Variants in ERBB4 observed in about 807,000 individuals in gnomAD.
The protein encoded by ERBB4 is erb-b2 receptor tyrosine kinase 4.
ERBB4 carries 42 observed loss-of-function variants against 158.0 expected under a neutral mutation model. The ratio of observed to expected loss-of-function variants is 0.27; its 90% CI spans 0.21 to 0.34. The LOEUF is 0.34. Among genes scored for constraint, ERBB4 ranks in the 10% least tolerant of loss-of-function variants. The probability of loss-of-function intolerance (pLI) is 1.00; values close to 1 mark genes in which losing one functional copy is unlikely to be tolerated. For missense variants in ERBB4, 1,333 were observed against 1,624.1 expected, an observed-to-expected ratio of 0.82 and a Z score of 3.08; for synonymous variants, 583 against 558.7, an observed-to-expected ratio of 1.04 and a Z score of -0.61.
At chr2:211,759,298 G>A (rs1034704001) in intron 4 of ERBB4, among the ~76,000 whole-genome samples, 2 of 151,928 alleles carry the variant, frequency 1.3e-5, no homozygotes, top group African/African-American at 2.4e-5. Context: ...CCTCTTATCC[G>A]GTGTCCTAGC....
intron 1 of ERBB4, among the ~76,000 whole-genome samples, chr2:212,523,968 G>A (rs1197357101): frequency 1.3e-5 from 2 of 151,940 alleles, no homozygotes; most frequent in Non-Finnish European, 2.9e-5. Flanking sequence ...TCAAACAGCT[G>A]TTAATGTTTC....
intron 1 of ERBB4, among the ~76,000 whole-genome samples, chr2:212,390,082 A>G (rs112438888): frequency 0.022 from 3,408 of 151,992 alleles, 60 homozygotes; most frequent in Admixed American, 0.041. Flanking sequence ...GGAAAGAGAA[A>G]TGTGTTACTT....
intron 3 of ERBB4, among the ~76,000 whole-genome samples, chr2:211,808,368 A>G (rs1169479422): frequency 6.6e-6 from 1 of 152,102 alleles, no homozygotes; most frequent in African/African-American, 2.4e-5. Context: ...TCCCAGCACC[A>G]TTTATTAAAT....
chr2:212,464,509 C>T (rs889418888), intron 1 of ERBB4, among the ~76,000 whole-genome samples: 4 of 151,920 alleles, frequency 2.6e-5, no homozygotes, highest in Non-Finnish European at 2.9e-5. Flanking sequence ...CATGGGAGTG[C>T]CAGTTTAGCT....
intron 25 of ERBB4, among the ~76,000 whole-genome samples, chr2:211,404,332 T>G (rs2063105508): frequency 6.6e-6 from 1 of 151,994 alleles, no homozygotes; most frequent in Non-Finnish European, 1.5e-5. Context: ...ATCCCCTCAT[T>G]TGTCTTTGTT....
rs943005291 is a variant in ERBB4 at position 211,633,692 on chromosome 2, C to T, written c.1947-3098G>A. Among the ~76,000 whole-genome samples, 31 of 148,750 alleles carry T rather than the reference C, an allele frequency of 2.1e-4. No homozygotes were observed. The Admixed American group carries it at 2.1e-3, about 10-fold the overall frequency. ...TATAATTTTGACATTCACTTTAAAA[C>T]TCCAAAGGGAAGATGTGATTAGGTA... On this transcript the variant is annotated intron_variant, in intron 16 of 27. Coordinates refer to ENST00000342788, the MANE Select transcript of ERBB4 (RefSeq NM_005235.3).
At chr2:212,511,125 A>C (rs1362928879) in intron 1 of ERBB4, among the ~76,000 whole-genome samples, 1 of 152,200 alleles carries the variant, frequency 6.6e-6, no homozygotes, top group Non-Finnish European at 1.5e-5. Flanking sequence ...TTACCTGCAA[A>C]TACACTGAAA....
intron 3 of ERBB4, among the ~76,000 whole-genome samples, chr2:211,861,157 A>ATAT (rs1445918264): frequency 1.0e-4 from 3 of 29,894 alleles, no homozygotes; most frequent in African/African-American, 3.2e-4. Context: ...TATATATATT[A>ATAT]AAAAAAAGTA....
intron 1 of ERBB4, among the ~76,000 whole-genome samples, chr2:212,178,343 G>T (rs1472774460): frequency 1.3e-5 from 2 of 151,556 alleles, no homozygotes; most frequent in African/African-American, 4.8e-5. Context: ...TCAGACAAGA[G>T]ATGATGTTAG....
intron 18 of ERBB4, among the ~76,000 whole-genome samples, chr2:211,620,224 A>G (rs2069546833): frequency 6.6e-6 from 1 of 152,188 alleles, no homozygotes; most frequent in Non-Finnish European, 1.5e-5. Context: ...ACAAAAACCG[A>G]AAAATCTCAA....
chr2:211,955,664 A>G lies in ERBB4; in HGVS notation c.235-8048T>C, dbSNP rs530640325. Reference sequence around the variant, plus strand: ...TAGCTGAATCTCAGCCAATCATAGCAGCCAGGCCTCAGTCAATCACAGGCT... The same window carrying G: ...TAGCTGAATCTCAGCCAATCATAGCGGCCAGGCCTCAGTCAATCACAGGCT... On this transcript the variant is annotated intron_variant, in intron 2 of 27. Transcript: ENST00000342788. Among the ~76,000 whole-genome samples the G allele has an allele frequency of 1.6e-4, 25 of 152,262 alleles. No individual in the cohort carries two copies. In the East Asian group the frequency reaches 3.1e-3, roughly 19 times the overall value.
At position 211,379,791 on chromosome 2, in the gene ERBB4, T is replaced by C. The variant is rs1477851509; in HGVS notation, c.*3824A>G. The C allele has an allele frequency of 8.6e-6, 2 of 231,992 alleles. No individual in the cohort carries two copies. Among genetic ancestry groups the C allele is most frequent in the African/African-American group, 4.4e-5 (2 of 45,280 alleles). 14.4% of individuals were successfully genotyped at this position (231,992 alleles called of 1,614,324 possible). ...ACAGATGGATGAATAATTCCAGTTT[T>C]GAAATAAAGGTTAGAGAGCTCTAGA... is the stretch of plus-strand genomic sequence containing the variant. On this transcript the variant is annotated 3_prime_UTR_variant, in exon 28 of 28. Transcript: ENST00000342788.
At chr2:212,497,624 G>A (rs980314958) in intron 1 of ERBB4, among the ~76,000 whole-genome samples, 1 of 152,134 alleles carries the variant, frequency 6.6e-6, no homozygotes, top group African/African-American at 2.4e-5. Context: ...GAACATACAA[G>A]TCCTACATTC....
chr2:212,135,921 G>A (rs2080256992), intron 1 of ERBB4, among the ~76,000 whole-genome samples: 1 of 152,172 alleles, frequency 6.6e-6, no homozygotes, highest in Admixed American at 6.5e-5. Context: ...TGTGAATCTG[G>A]ATGCACTTTC....
intron 1 of ERBB4, among the ~76,000 whole-genome samples, chr2:212,132,815 G>A (rs72939829): frequency 0.11 from 16,699 of 152,012 alleles, 1,398 homozygotes; most frequent in African/African-American, 0.24. Context: ...ATGTGTGTGT[G>A]TATATATACT....
chr2:211,807,144 GA>G (rs1397006027), intron 3 of ERBB4, among the ~76,000 whole-genome samples: 1 of 151,794 alleles, frequency 6.6e-6, no homozygotes, highest in East Asian at 1.9e-4. Context: ...GGAGACTGTT[GA>G]TTTTTTTTTT....
rs1369147420 is a variant in ERBB4 at position 212,374,057 on chromosome 2, TCC to T, written c.82+164390_82+164391del. Among the ~76,000 whole-genome samples, 102 of 98,390 alleles carry T rather than the reference TCC, an allele frequency of 1.0e-3. 5 individuals carry two copies. Among genetic ancestry groups the T allele is most frequent in the African/African-American group, 3.0e-3 (95 of 31,298 alleles). The allele number at this position is 98,390 out of a possible 152,430, so 64.5% of individuals were successfully genotyped here. ...ATCCATATATATCCATATATATATA[TCC>T]ATATATATCCATATATATATCCATA... is the stretch of plus-strand genomic sequence containing the variant. On this transcript the variant is annotated intron_variant, in intron 1 of 27. Transcript: ENST00000342788.
rs561887285 is a variant in ERBB4 at position 211,829,340 on chromosome 2, T to A, written c.422-41181A>T. On this transcript the variant is annotated intron_variant, in intron 3 of 27. Coordinates refer to ENST00000342788, the MANE Select transcript of ERBB4 (RefSeq NM_005235.3). Reference sequence around the variant, plus strand: ...TAAATAGTTATCAGTCTGCATGCAATCTTTTAGGACTTACAATTTTTATAT... The same window carrying A: ...TAAATAGTTATCAGTCTGCATGCAAACTTTTAGGACTTACAATTTTTATAT... 1.9e-3 allele frequency among the ~76,000 whole-genome samples: 292 copies of A among 152,278 alleles called. 2 individuals carry two copies. The highest frequency in any genetic ancestry group is 6.7e-3 in the African/African-American group (280 of 41,578).
chr2:211,641,476 A>G (rs895025233), intron 16 of ERBB4, among the ~76,000 whole-genome samples: 1 of 152,162 alleles, frequency 6.6e-6, no homozygotes, highest in Non-Finnish European at 1.5e-5. Flanking sequence ...TGGGTAACAC[A>G]TGCTAGAGCC....
Sources: gnomAD v4.1 joint callset for allele counts (sites outside exome capture counted in the v4.1 genomes callset) on GRCh38, gnomAD v4.1.1 for gene constraint, MANE v1.5 for transcripts, NCBI Gene and HGNC (gene_info 2026-07-23, HGNC 2026-07-21) for gene names.